The following UBE2E3 variants were observed in gnomAD, a reference collection of about 807,000 sequenced individuals.
The protein encoded by UBE2E3 is ubiquitin conjugating enzyme E2 E3, also known as ubiquitin-conjugating enzyme E2 E3.
A neutral mutation model predicts 23.6 loss-of-function variants in UBE2E3; 5 were observed. That is an observed-to-expected ratio of 0.21 (90% CI 0.11 to 0.44). UBE2E3 has a LOEUF of 0.44. Ranked by LOEUF, UBE2E3 falls within the 20% of genes least tolerant of loss-of-function variation. The pLI, the probability that UBE2E3 is intolerant of heterozygous loss-of-function variation, is 0.99. For missense variants in UBE2E3, 81 were observed against 249.8 expected (o/e 0.32, Z 4.55); for synonymous variants, 78 against 87.5 (o/e 0.89, Z 0.60).
chr2:181,039,746 A>G (rs1046102171), intron 3 of UBE2E3, among the ~76,000 whole-genome samples: 2 of 152,216 alleles, frequency 1.3e-5, no homozygotes, highest in Non-Finnish European at 2.9e-5. Context: ...AAATTTTCGT[A>G]AAATGTCATC....
At chr2:180,991,043 A>G (rs1247030124) in intron 3 of UBE2E3, among the ~76,000 whole-genome samples, 3 of 152,208 alleles carry the variant, frequency 2.0e-5, no homozygotes, top group Non-Finnish European at 2.9e-5. Flanking sequence ...AAATGTATTA[A>G]TATTCATACA....
At chr2:181,023,582 C>G (rs186011082) in intron 3 of UBE2E3, among the ~76,000 whole-genome samples, 4 of 152,118 alleles carry the variant, frequency 2.6e-5, no homozygotes, top group African/African-American at 9.7e-5. Context: ...TTAACACAGC[C>G]GCCTGATAGA....
chr2:180,981,289 T>A (rs1176479882), intron 1 of UBE2E3: 1 of 152,120 alleles, frequency 6.6e-6, no homozygotes, highest in Admixed American at 6.5e-5. Context: ...GTTTTTTCTC[T>A]GGGTTTCTTA....
chr2:181,048,459 A>G (rs1327799611), intron 3 of UBE2E3, among the ~76,000 whole-genome samples: 1 of 152,162 alleles, frequency 6.6e-6, no homozygotes, highest in African/African-American at 2.4e-5. Context: ...AAGGCACAGT[A>G]TGGATTAATA....
chr2:181,033,390 T>C (rs1459511190), intron 3 of UBE2E3, among the ~76,000 whole-genome samples: 1 of 152,126 alleles, frequency 6.6e-6, no homozygotes, highest in Non-Finnish European at 1.5e-5. Context: ...TCTACAACTA[T>C]CTGATCTTTG....
chr2:181,062,691 T>TA (rs774784344), intron 5 of UBE2E3, 100 bp from the exon 6 acceptor site: 147 of 528,754 alleles, frequency 2.8e-4, no homozygotes, highest in Non-Finnish European at 4.4e-4. Flanking sequence ...TATATGAAGA[T>TA]ACTGCTGAAA....
chr2:180,990,161 C>T (rs1684612070), intron 3 of UBE2E3: 4 of 589,612 alleles, frequency 6.8e-6, no homozygotes, highest in African/African-American at 3.7e-5. Flanking sequence ...AATTTTTGTC[C>T]TCCCCTTCCC....
chr2:181,035,448 TTAC>T (rs1468099030), intron 3 of UBE2E3, among the ~76,000 whole-genome samples: 1 of 152,102 alleles, frequency 6.6e-6, no homozygotes, highest in African/African-American at 2.4e-5. Context: ...ATAACTACTC[TTAC>T]TAGTGATATA....
chr2:180,982,039 C>G lies in UBE2E3; in HGVS notation c.-4C>G, dbSNP rs763346217. On this transcript the variant is annotated 5_prime_UTR_variant, in exon 2 of 6. Coordinates refer to ENST00000410062, the MANE Select transcript of UBE2E3 (RefSeq NM_006357.4). The stretch of plus-strand genomic sequence containing the variant: ...AAAGTTTTCCAAGAGATAACTTCAC[C>G]AAGATGTCCAGTGATAGGCAAAGGT... The G allele has an allele frequency of 3.8e-6, 6 of 1,597,528 alleles. No homozygotes were observed. In the East Asian group the frequency reaches 1.1e-4, roughly 30 times the overall value.
chr2:180,985,406 T>G (rs1295616156), intron 3 of UBE2E3, among the ~76,000 whole-genome samples: 3 of 152,154 alleles, frequency 2.0e-5, no homozygotes, highest in Admixed American at 6.5e-5. Flanking sequence ...AACAAAAGGA[T>G]GTATAATACT....
At chr2:181,027,919 A>C (rs550094592) in intron 3 of UBE2E3, among the ~76,000 whole-genome samples, 2 of 152,154 alleles carry the variant, frequency 1.3e-5, no homozygotes, top group East Asian at 3.9e-4. Context: ...TTTTTGAAGC[A>C]TAACAGTAAC....
At position 181,048,515 on chromosome 2, in the gene UBE2E3, T is replaced by G. The variant is rs142188204; in HGVS notation, c.246-9178T>G. Among the ~76,000 whole-genome samples the G allele has an allele frequency of 4.6e-3, 702 of 152,220 alleles. 7 individuals are homozygous for G. The highest frequency in any genetic ancestry group is 0.016 in the African/African-American group (647 of 41,560). On this transcript the variant is annotated intron_variant, in intron 3 of 5. Coordinates refer to ENST00000410062, the MANE Select transcript of UBE2E3 (RefSeq NM_006357.4). Reference sequence around the variant, plus strand: ...GGTTGTTATAGAGATTACATAAGAATTCACACATTTACCAAAACGAGGTCA... The same window carrying G: ...GGTTGTTATAGAGATTACATAAGAAGTCACACATTTACCAAAACGAGGTCA...
chr2:181,053,516 T>A (rs537648434), intron 3 of UBE2E3, among the ~76,000 whole-genome samples: 48 of 151,964 alleles, frequency 3.2e-4, no homozygotes, highest in African/African-American at 1.1e-3. Context: ...TTGCTTGTTC[T>A]AAAATTTATT....
intron 3 of UBE2E3, among the ~76,000 whole-genome samples, chr2:180,995,685 T>C (rs1341456700): frequency 6.6e-6 from 1 of 152,052 alleles, no homozygotes; most frequent in African/African-American, 2.4e-5. Flanking sequence ...TCATCCTTAG[T>C]GTTTCTTGTA....
chr2:181,056,289 G>A (rs1686986830), intron 3 of UBE2E3, among the ~76,000 whole-genome samples: 1 of 151,674 alleles, frequency 6.6e-6, no homozygotes. Context: ...AGGGGTAACT[G>A]TTAAGTGTAG....
intron 3 of UBE2E3, among the ~76,000 whole-genome samples, chr2:181,013,950 T>C (rs970891868): frequency 1.3e-5 from 2 of 152,176 alleles, no homozygotes; most frequent in Non-Finnish European, 2.9e-5. Context: ...GAGCAGATGC[T>C]GGAAGATCAG....
intron 3 of UBE2E3, among the ~76,000 whole-genome samples, chr2:181,053,419 G>C (rs925163902): frequency 2.6e-5 from 4 of 151,692 alleles, no homozygotes; most frequent in African/African-American, 9.7e-5. Context: ...CAAATTTTTG[G>C]AACATACTCG....
intron 3 of UBE2E3, among the ~76,000 whole-genome samples, chr2:180,995,756 T>C (rs1049399758): frequency 2.0e-5 from 3 of 151,218 alleles, no homozygotes; most frequent in African/African-American, 7.3e-5. Context: ...TTTTTTTTTC[T>C]GACAGCTACC....
At chr2:181,040,519 A>C (rs1686455131) in intron 3 of UBE2E3, among the ~76,000 whole-genome samples, 1 of 152,198 alleles carries the variant, frequency 6.6e-6, no homozygotes, top group Non-Finnish European at 1.5e-5. Context: ...AGCAACTCTT[A>C]TGTGGAAAGC....
Sources: allele counts gnomAD v4.1 joint callset (sites outside exome capture counted in the v4.1 genomes callset), GRCh38; gene constraint gnomAD v4.1.1; transcripts MANE v1.5; gene names NCBI Gene and HGNC (gene_info 2026-07-23, HGNC 2026-07-21).